Variants in CRELD1 observed in about 807,000 individuals in gnomAD.
CRELD1 encodes the protein protein disulfide isomerase CRELD1.
Under a neutral mutation model 58.2 loss-of-function variants are expected in CRELD1, and 42 were observed. That is an observed-to-expected ratio of 0.72 (90% CI 0.56 to 0.93). The LOEUF is 0.93. Ranked by LOEUF, CRELD1 falls within the 40% of genes least tolerant of loss-of-function variation. CRELD1 has a pLI of 0.00. For synonymous variants in CRELD1, 222 were observed against 202.0 expected (o/e 1.10, Z -0.84); for missense variants, 500 against 540.6 (o/e 0.92, Z 0.74).
Position 9,944,550 on chromosome 3 carries a change from G to A in CRELD1, c.1234G>A (p.Val412Met). The change falls in exon 11 of 11, where the codon GTG (valine) becomes ATG (methionine). Residue 412 changes from valine (V) to methionine (M), a missense_variant. Transcript: ENST00000452070. ...GYWLSERSDR[V>M]LEGFIKGR Reference sequence around the variant, plus strand: ...CTGGTTGTCAGAGCGCAGTGACCGTGTGCTGGAGGGCTTCATCAAGGGCAG... The same window carrying A: ...CTGGTTGTCAGAGCGCAGTGACCGTATGCTGGAGGGCTTCATCAAGGGCAG... The A allele has an allele frequency of 1.9e-6, 3 of 1,609,948 alleles. No homozygotes were observed. The highest frequency in any genetic ancestry group is 2.5e-6 in the Non-Finnish European group (3 of 1,179,926).
At chr3:9,934,972 TCTG>T in intron 3 of CRELD1, 55 bp downstream of exon 3, 1 of 1,440,522 alleles carries the variant, frequency 6.9e-7, no homozygotes, top group South Asian at 1.2e-5. Flanking sequence ...AAATCTCTGC[TCTG>T]CTGGTGTAGG....
chr3:9,945,165 G>A lies in CRELD1; in HGVS notation c.*586G>A, dbSNP rs767349033. 4.0e-4 allele frequency: 70 copies of A among 175,830 alleles called. No individual in the cohort carries two copies. The highest frequency in any genetic ancestry group is 7.2e-4 in the Non-Finnish European group (58 of 80,588). The allele number at this position is 175,830 out of a possible 1,614,324, so 10.9% of individuals were successfully genotyped here. On this transcript the variant is annotated 3_prime_UTR_variant, in exon 11 of 11. Coordinates refer to ENST00000452070, the MANE Select transcript of CRELD1 (RefSeq NM_001077415.3). ...AAGGTTGCCCCTGAAGTGCTGTTAGGAGAAGGAGGATAGAGGAATCAGCCT... is the reference window on the plus strand; with the variant it reads ...AAGGTTGCCCCTGAAGTGCTGTTAGAAGAAGGAGGATAGAGGAATCAGCCT...
chr3:9,937,450 C>A, intron 3 of CRELD1, 112 bp from the exon 4 acceptor site: 1 of 755,846 alleles, frequency 1.3e-6, no homozygotes, highest in East Asian at 2.7e-5. Context: ...CATTATACCT[C>A]ATGGCCTCTC....
At position 9,943,380 on chromosome 3, in the gene CRELD1, G is replaced by T. The variant is rs1467733447; in HGVS notation, c.914-1G>T. 6.2e-7 allele frequency: 1 copy of T among 1,614,018 alleles called. No individual in the cohort carries two copies. The highest frequency in any genetic ancestry group is 1.7e-5 in the Admixed American group (1 of 60,024). On this transcript the variant is annotated splice_acceptor_variant, in intron 9 of 10. Coordinates refer to ENST00000452070, the MANE Select transcript of CRELD1 (RefSeq NM_001077415.3). LOFTEE classifies it high-confidence loss of function. ...GACTCTGACCCCTCCCTCCCCTCAA[G>T]ATGTGGATGAGTGTGAGACAGAGGT...
In CRELD1 at chr3:9,942,801, A is replaced by T. The variant is rs2085404297; in HGVS notation, c.734-12A>T. ...AGGGATTGAAATTCTCACCCTGCTCACCTCTCTGCAGACATTGATGAGTGT... is the reference window on the plus strand; with the variant it reads ...AGGGATTGAAATTCTCACCCTGCTCTCCTCTCTGCAGACATTGATGAGTGT... On this transcript the variant is annotated splice_polypyrimidine_tract_variant and intron_variant, in intron 7 of 10. Transcript: ENST00000452070. The T allele has an allele frequency of 6.2e-7, 1 of 1,609,810 alleles. No homozygotes were observed. The highest frequency in any genetic ancestry group is 1.1e-5 in the South Asian group (1 of 91,008).
In CRELD1 at chr3:9,938,838, C is replaced by T. The variant is rs142522459; in HGVS notation, c.460+732C>T. 6.2e-3 allele frequency among the ~76,000 whole-genome samples: 935 copies of T among 150,304 alleles called. 15 individuals carry two copies. Among genetic ancestry groups the T allele is most frequent in the African/African-American group, 0.02 (829 of 40,792 alleles). ...TCATGCCACTGCACTCCAGCCTGGG[C>T]GACAGAGCGAGACTCTGTCTCAAAA... On this transcript the variant is annotated intron_variant, in intron 5 of 10. Coordinates refer to ENST00000452070, the MANE Select transcript of CRELD1 (RefSeq NM_001077415.3).
At chr3:9,938,324 G>C in intron 5 of CRELD1, 1 of 572,428 alleles carries the variant, frequency 1.7e-6, no homozygotes, top group Non-Finnish European at 3.1e-6. Context: ...ATGCAGTATA[G>C]TTATCATCAT....
At chr3:9,940,144 T>C (rs1488117222) in intron 5 of CRELD1, among the ~76,000 whole-genome samples, 4 of 143,504 alleles carry the variant, frequency 2.8e-5, no homozygotes, top group African/African-American at 7.9e-5. Context: ...ACTTCCTAGA[T>C]GGGATGGCGG....
At chr3:9,939,174 A>AATAC (rs1481078241) in intron 5 of CRELD1, among the ~76,000 whole-genome samples, 1 of 137,014 alleles carries the variant, frequency 7.3e-6, no homozygotes, top group African/African-American at 2.7e-5. Flanking sequence ...TAAATAAATA[A>AATAC]ATAAATAAAT....
chr3:9,944,252 C>A, intron 10 of CRELD1, 113 bp from the exon 11 acceptor site: 1 of 981,676 alleles, frequency 1.0e-6, no homozygotes, highest in Non-Finnish European at 1.6e-6. Context: ...GCCTGGCTTG[C>A]TGGGCAGGCC....
At position 9,944,872 on chromosome 3, in the gene CRELD1, C is replaced by G; in HGVS notation, c.*293C>G. 1 of 449,470 alleles carries G rather than the reference C, an allele frequency of 2.2e-6. No individual in the cohort carries two copies. Among genetic ancestry groups the G allele is most frequent in the African/African-American group, 2.0e-5 (1 of 50,178 alleles). 27.8% of individuals were successfully genotyped at this position (449,470 alleles called of 1,614,324 possible). On this transcript the variant is annotated 3_prime_UTR_variant, in exon 11 of 11. Transcript: ENST00000452070. ...ATGGTGGCTGCTAGAGCTTTGGCCC[C>G]TGCTTAGGATTAGGTGGTCCTCACA... is the stretch of plus-strand genomic sequence containing the variant.
At chr3:9,935,628 AT>A (rs993550608) in intron 3 of CRELD1, 1 of 152,306 alleles carries the variant, frequency 6.6e-6, no homozygotes, top group African/African-American at 2.4e-5. Context: ...GTCTGGGTAT[AT>A]TTTGCAGAGA....
chr3:9,934,680 A>G, intron 2 of CRELD1, 68 bp downstream of exon 2: 1 of 1,577,076 alleles, frequency 6.3e-7, no homozygotes, highest in Non-Finnish European at 8.7e-7. Context: ...TGGGATGCAA[A>G]TCTGCGTGGA....
Position 9,943,446 on chromosome 3 carries a change from G to A in CRELD1, c.979G>A (p.Gly327Ser), listed in dbSNP as rs771191734. The change falls in exon 10 of 11, where the codon GGT (glycine) becomes AGT (serine). Residue 327 changes from glycine to serine, a missense_variant. Transcript: ENST00000452070. ...CAAGCAGTGTGAAAACACCGAGGGC[G>A]GTTATCGCTGCATCTGTGCCGAGGG... ...ENKQCENTEGGYRCICAEGYK... is the reference protein window; with the variant it reads ...ENKQCENTEGSYRCICAEGYK... 5.9e-5 allele frequency: 95 copies of A among 1,614,064 alleles called. No homozygotes were observed. Among genetic ancestry groups the A allele is most frequent in the East Asian group, 1.1e-4 (5 of 44,854 alleles).
At chr3:9,934,399 C>T (rs1056739213) in intron 1 of CRELD1, 21 bp from the exon 2 acceptor site, 4 of 1,588,120 alleles carry the variant, frequency 2.5e-6, no homozygotes, top group South Asian at 1.1e-5. Context: ...AGTGAAGCCT[C>T]TCCACGCCCT....
At chr3:9,943,769 C>G in intron 10 of CRELD1, 1 of 1,600,328 alleles carries the variant, frequency 6.2e-7, no homozygotes, top group South Asian at 1.1e-5. Flanking sequence ...CCTCATCTAT[C>G]CAATGGGACC....
rs533450231 is a variant in CRELD1, at chr3:9,940,296, C to G, written c.461-554C>G. On this transcript the variant is annotated intron_variant, in intron 5 of 10. Transcript: ENST00000452070. ...CCGGGCAGAGGCTGCAATCTCGGCA[C>G]TTTGGGAGGCCAAGGCAGGCGGCTG... is the stretch of plus-strand genomic sequence containing the variant. Among the ~76,000 whole-genome samples, 3 of 152,302 alleles carry G rather than the reference C, an allele frequency of 2.0e-5. No homozygotes were observed. The South Asian group carries it at 6.2e-4, about 32-fold the overall frequency.
Position 9,943,155 on chromosome 3 carries a change from T to TGGGCTCCAA in CRELD1, c.898_906dup (p.Gly300_Lys302dup). On this transcript the variant is annotated inframe_insertion, in exon 9 of 11. Transcript: ENST00000452070. ...AAGTGTAGCCCTGGCTATCAGCAGG[T>TGGGCTCCAA]GGGCTCCAAGTGTCTCGGTGAGTCT... 1 of 1,613,132 alleles carries TGGGCTCCAA rather than the reference T, an allele frequency of 6.2e-7. No individual in the cohort carries two copies. Among genetic ancestry groups the TGGGCTCCAA allele is most frequent in the Non-Finnish European group, 8.5e-7 (1 of 1,179,886 alleles).
rs1381601540 is a variant in CRELD1, at chr3:9,944,901, G to T, written c.*322G>T. ...TTAGGATTAGGTGGTCCTCACAGGGGTGGGGCCATCACAGCTCCCTCCTGC... is the reference window on the plus strand; with the variant it reads ...TTAGGATTAGGTGGTCCTCACAGGGTTGGGGCCATCACAGCTCCCTCCTGC... On this transcript the variant is annotated 3_prime_UTR_variant, in exon 11 of 11. Coordinates refer to ENST00000452070, the MANE Select transcript of CRELD1 (RefSeq NM_001077415.3). 1 of 408,128 alleles carries T rather than the reference G, an allele frequency of 2.5e-6. No homozygotes were observed. The highest frequency in any genetic ancestry group is 5.5e-5 in the East Asian group (1 of 18,152). 25.3% of individuals were successfully genotyped at this position (408,128 alleles called of 1,614,324 possible).
Sources: allele counts gnomAD v4.1 joint callset (sites outside exome capture counted in the v4.1 genomes callset), GRCh38; gene constraint gnomAD v4.1.1; transcripts MANE v1.5; gene names NCBI Gene and HGNC (gene_info 2026-07-23, HGNC 2026-07-21).